The following CEP152 variants were observed in gnomAD, a reference collection of about 807,000 sequenced individuals.
The protein encoded by CEP152 is centrosomal protein of 152 kDa.
CEP152 carries 132 observed loss-of-function variants against 188.9 expected under a neutral mutation model. The observed-to-expected ratio is 0.70, with a 90% CI of 0.61 to 0.81. CEP152 has a LOEUF of 0.81. CEP152 is among the 30% of genes least tolerant of loss of function. CEP152 has a pLI of 0.00. For missense variants in CEP152, 1,914 were observed against 1,969.8 expected (o/e 0.97, Z 0.54); for synonymous variants, 649 against 666.6 (o/e 0.97, Z 0.41).
At chr15:48,747,705 C>T (rs1342602613) in intron 22 of CEP152, among the ~76,000 whole-genome samples, 2 of 152,142 alleles carry the variant, frequency 1.3e-5, no homozygotes, top group African/African-American at 2.4e-5. Flanking sequence ...GCTCAGGAAT[C>T]GGAAGCATTT....
intron 26 of CEP152, 58 bp from the exon 27 acceptor site, chr15:48,739,346 C>T (rs1308901003): frequency 1.3e-5 from 20 of 1,512,952 alleles, no homozygotes; most frequent in Non-Finnish European, 1.7e-5. Context: ...AGGGAAGATT[C>T]ATCCTTGAAC....
At position 48,789,040 on chromosome 15, in the gene CEP152, C is replaced by CACAGTATATAAAAT. The variant is rs760172237; in HGVS notation, c.973-40_973-39insATTTTATATACTGT. 1.6e-5 allele frequency: 25 copies of CACAGTATATAAAAT among 1,549,014 alleles called. No individual in the cohort carries two copies. The Admixed American group carries it at 4.0e-4, about 25-fold the overall frequency. On this transcript the variant is annotated intron_variant, in intron 8 of 26. Coordinates refer to ENST00000380950, the MANE Select transcript of CEP152 (RefSeq NM_001194998.2). ...ACAGGATATCCATGTTTAAAATATA[C>CACAGTATATAAAAT]ACAGAGTATTTTAGCTCTGTGCTGT...
At chr15:48,782,537 G>GT (rs962061983) in intron 10 of CEP152, among the ~76,000 whole-genome samples, 3 of 152,052 alleles carry the variant, frequency 2.0e-5, no homozygotes, top group African/African-American at 7.2e-5. Context: ...TAATAGGAGC[G>GT]TAACACTCCA....
chr15:48,736,980 T>A (rs1287285061), downstream of CEP152, among the ~76,000 whole-genome samples: 2 of 152,192 alleles, frequency 1.3e-5, no homozygotes, highest in African/African-American at 4.8e-5. Context: ...GAGCATTGTA[T>A]CTTCAGGAAT....
At chr15:48,741,504 C>T in intron 26 of CEP152, 97 bp downstream of exon 26, 1 of 1,604,426 alleles carries the variant, frequency 6.2e-7, no homozygotes, top group Non-Finnish European at 8.5e-7. Flanking sequence ...CAAATTAACT[C>T]TCACTCCTTA....
At chr15:48,752,113 T>A (rs969010691) in intron 21 of CEP152, among the ~76,000 whole-genome samples, 4 of 152,230 alleles carry the variant, frequency 2.6e-5, no homozygotes, top group African/African-American at 9.6e-5. Context: ...AAAACTCTCA[T>A]GATTCTCCTT....
At position 48,767,113 on chromosome 15, in the gene CEP152, G is replaced by A. The variant is rs774035423; in HGVS notation, c.2227C>T (p.Leu743=). Residue 743 remains leucine, a synonymous_variant, in exon 17 of 27, where the codon CTA becomes TTA. Coordinates refer to ENST00000380950, the MANE Select transcript of CEP152 (RefSeq NM_001194998.2). ...GTGGTCTTCCTGAGAGTCAATTCTA[G>A]ATTATCCTTCTCTCTGCACACTTCT... is the stretch of plus-strand genomic sequence containing the variant. ...YLEVCREKDN[L]ELTLRKTTEK... is the part of the protein sequence containing the mutation. 1.2e-6 allele frequency: 2 copies of A among 1,613,468 alleles called. No individual in the cohort carries two copies. Among genetic ancestry groups the A allele is most frequent in the Admixed American group, 1.7e-5 (1 of 60,016 alleles).
intron 2 of CEP152, among the ~76,000 whole-genome samples, chr15:48,803,343 T>G (rs543147199): frequency 6.6e-6 from 1 of 152,308 alleles, no homozygotes; most frequent in South Asian, 2.1e-4. Context: ...TAGATATGCA[T>G]TCAAGCTTGG....
At chr15:48,785,998 A>C (rs1896608404) in intron 9 of CEP152, among the ~76,000 whole-genome samples, 1 of 152,052 alleles carries the variant, frequency 6.6e-6, no homozygotes, top group Non-Finnish European at 1.5e-5. Context: ...GGGTTCTAGC[A>C]CACAGGAAAA....
At chr15:48,775,138 T>C (rs905793879) in intron 12 of CEP152, among the ~76,000 whole-genome samples, 1 of 151,568 alleles carries the variant, frequency 6.6e-6, no homozygotes, top group African/African-American at 2.4e-5. Context: ...GAACAGAGCC[T>C]CAAGAAACTG....
At chr15:48,743,435 A>G (rs1893157837) in intron 24 of CEP152, among the ~76,000 whole-genome samples, 1 of 152,244 alleles carries the variant, frequency 6.6e-6, no homozygotes, top group Non-Finnish European at 1.5e-5. Context: ...AACACACATC[A>G]GGAGAATGCT....
chr15:48,782,329 A>C lies in CEP152; in HGVS notation c.1322-99T>G, dbSNP rs148564767. The C allele has an allele frequency of 6.0e-5, 61 of 1,016,404 alleles. No homozygotes were observed. The African/African-American group carries it at 8.5e-4, about 14-fold the overall frequency. 63.0% of individuals were successfully genotyped at this position (1,016,404 alleles called of 1,614,324 possible). On this transcript the variant is annotated intron_variant, in intron 10 of 26. Coordinates refer to ENST00000380950, the MANE Select transcript of CEP152 (RefSeq NM_001194998.2). ...GAATCCACTGAGGCTACAGAAAGTA[A>C]AGTTCTGCTTTACTACTACTGTCTC...
At position 48,767,439 on chromosome 15, in the gene CEP152, G is replaced by C. The variant is rs1595640381; in HGVS notation, c.2043C>G (p.His681Gln). The change falls in exon 16 of 27, where the codon CAC becomes CAG. Residue 681 changes from histidine (H) to glutamine (Q), a missense_variant. Transcript: ENST00000380950. ...GTATTTGAGTTTTCATGGCTTCATG[G>C]TGCTGCTGATAAGTCCTTTCACACC... ...VDRCERTYQQ[H>Q]HEAMKTQIRE... 1 of 1,613,954 alleles carries C rather than the reference G, an allele frequency of 6.2e-7. No homozygotes were observed.
Position 48,805,615 on chromosome 15 carries a change from A to G in CEP152, c.35T>C (p.Val12Ala), listed in dbSNP as rs191061766. ...SLDFGSVALP[V>A]QNEDEEYDEE... ...GTCATACTCTTCATCTTCATTTTGC[A>G]CTGGTAGTGCCACACTGCCAAAGTC... The change falls in exon 2 of 27, where the codon GTG (valine) becomes GCG (alanine). Residue 12 changes from valine to alanine, a missense_variant. Val to Ala is a moderately conservative substitution (Grantham distance 64). Coordinates refer to ENST00000380950, the MANE Select transcript of CEP152 (RefSeq NM_001194998.2). 578 of 1,609,352 alleles carry G rather than the reference A, an allele frequency of 3.6e-4. No homozygotes were observed. The highest frequency in any genetic ancestry group is 4.3e-4 in the Non-Finnish European group (509 of 1,179,034).
At chr15:48,769,756 A>T (rs1895395436) in intron 13 of CEP152, among the ~76,000 whole-genome samples, 1 of 152,190 alleles carries the variant, frequency 6.6e-6, no homozygotes, top group Admixed American at 6.5e-5. Flanking sequence ...GTATGTATTC[A>T]TTTATGTCAG....
chr15:48,782,901 T>G (rs1896347457), intron 10 of CEP152, among the ~76,000 whole-genome samples: 1 of 152,128 alleles, frequency 6.6e-6, no homozygotes, highest in Admixed American at 6.6e-5. Context: ...TAATGCCAAA[T>G]GAAAACAAAG....
intron 19 of CEP152, among the ~76,000 whole-genome samples, chr15:48,759,369 A>G (rs1288821403): frequency 6.6e-6 from 1 of 152,200 alleles, no homozygotes; most frequent in Non-Finnish European, 1.5e-5. Context: ...TGGCTATCAT[A>G]AGACTATTAT....
intron 2 of CEP152, among the ~76,000 whole-genome samples, chr15:48,799,807 G>GA (rs956968101): frequency 7.9e-4 from 120 of 152,212 alleles, no homozygotes; most frequent in African/African-American, 2.8e-3. Flanking sequence ...ATGCACTAGA[G>GA]AAAAAAGTTG....
At position 48,767,440 on chromosome 15, in the gene CEP152, T is replaced by C. The variant is rs1895208371; in HGVS notation, c.2042A>G (p.His681Arg). The C allele has an allele frequency of 6.2e-7, 1 of 1,614,050 alleles. No homozygotes were observed. The highest frequency in any genetic ancestry group is 8.5e-7 in the Non-Finnish European group (1 of 1,180,012). The change falls in exon 16 of 27, where the codon CAC becomes CGC. Residue 681 changes from histidine (H) to arginine (R), a missense_variant. Coordinates refer to ENST00000380950, the MANE Select transcript of CEP152 (RefSeq NM_001194998.2). ...VDRCERTYQQ[H>R]HEAMKTQIRE... Reference sequence around the variant, plus strand: ...TATTTGAGTTTTCATGGCTTCATGGTGCTGCTGATAAGTCCTTTCACACCT... The same window carrying C: ...TATTTGAGTTTTCATGGCTTCATGGCGCTGCTGATAAGTCCTTTCACACCT...
Sources: allele counts gnomAD v4.1 joint callset (sites outside exome capture counted in the v4.1 genomes callset), GRCh38; gene constraint gnomAD v4.1.1; transcripts MANE v1.5; gene names NCBI Gene and HGNC (gene_info 2026-07-23, HGNC 2026-07-21).